The following NAV1 variants were observed in gnomAD, a reference collection of about 807,000 sequenced individuals.
NAV1 encodes the protein neuron navigator 1, also known as pore membrane and/or filament interacting like protein 3.
A neutral mutation model predicts 175.2 loss-of-function variants in NAV1; 18 were observed. That is an observed-to-expected ratio of 0.10 (90% CI 0.07 to 0.15). NAV1 has a LOEUF of 0.15. NAV1 is among the 10% of genes least tolerant of loss of function. The probability of loss-of-function intolerance (pLI) is 1.00; values close to 1 mark genes in which losing one functional copy is unlikely to be tolerated. For synonymous variants in NAV1, 897 were observed against 978.7 expected, an observed-to-expected ratio of 0.92 and a Z score of 1.56; for missense variants, 1,731 against 2,436.6, an observed-to-expected ratio of 0.71 and a Z score of 6.10.
chr1:201,639,456 A>G (rs1273730766), intron 2 of NAV1, among the ~76,000 whole-genome samples: 1 of 152,190 alleles, frequency 6.6e-6, no homozygotes, highest in Non-Finnish European at 1.5e-5. Flanking sequence ...CTTGTTGTGC[A>G]CTGCCAGGGC....
At chr1:201,586,665 G>A (rs1026283322) in intron 1 of NAV1, among the ~76,000 whole-genome samples, 1 of 152,088 alleles carries the variant, frequency 6.6e-6, no homozygotes, top group Non-Finnish European at 1.5e-5. Flanking sequence ...AAGACAGAGA[G>A]CAGGGAGAGA....
intron 1 of NAV1, among the ~76,000 whole-genome samples, chr1:201,578,450 AATG>A (rs1666755291): frequency 6.6e-6 from 1 of 152,154 alleles, no homozygotes; most frequent in African/African-American, 2.4e-5. Flanking sequence ...ATCTCTGGGT[AATG>A]ATGAAAGTTC....
chr1:201,649,309 C>T (rs1306076333), exon 1 of NAV1: 1 of 1,612,730 alleles, frequency 6.2e-7, no homozygotes, highest in Non-Finnish European at 8.5e-7. Context: ...CAAAAGAGCT[C>T]TGGGCCTGTC....
intron 1 of NAV1, among the ~76,000 whole-genome samples, chr1:201,582,095 C>CA (rs1316100885): frequency 6.6e-6 from 1 of 152,106 alleles, no homozygotes; most frequent in African/African-American, 2.4e-5. Flanking sequence ...GACTCCGTCT[C>CA]AAACAAACAA....
At chr1:201,706,364 A>G (rs1293337886) in intron 1 of NAV1, among the ~76,000 whole-genome samples, 1 of 151,848 alleles carries the variant, frequency 6.6e-6, no homozygotes, top group Non-Finnish European at 1.5e-5. Flanking sequence ...CCAGTCCCAA[A>G]CCATCCCACA....
chr1:201,649,352 C>T lies in NAV1; in HGVS notation c.684C>T (p.Phe228=), dbSNP rs144904608. Residue 228 remains phenylalanine (F), a synonymous_variant, in exon 1 of 30, where the codon TTC becomes TTT. Coordinates refer to ENST00000367296, the Ensembl canonical transcript of NAV1. ...CCAAGGGCCAGGAGGAGCGCGCCTT[C>T]CTCAAGGTGGACCCCGAGCTGGTGG... is the stretch of plus-strand genomic sequence containing the variant. 3.1e-4 allele frequency: 492 copies of T among 1,609,670 alleles called. 4 individuals carry two copies. In the African/African-American group the frequency reaches 5.5e-3, roughly 18 times the overall value.
rs1288875770 is a variant in NAV1 at position 201,783,426 on chromosome 1, T to C, written c.2378T>C (p.Val793Ala). Residue 793 changes from valine to alanine, a missense_variant, in exon 7 of 30, where the codon GTC becomes GCC. By Grantham distance (64) the Val-to-Ala change is moderately conservative. Coordinates refer to ENST00000367296, the Ensembl canonical transcript of NAV1. The stretch of plus-strand genomic sequence containing the variant: ...CTCAGGGCCACAGCGAAGAGCTTTG[T>C]CAAACCACCCTCACTAGCCAATCTT... 2.5e-6 allele frequency: 4 copies of C among 1,614,038 alleles called. No homozygotes were observed. The South Asian group carries it at 3.3e-5, about 13-fold the overall frequency.
intron 3 of NAV1, among the ~76,000 whole-genome samples, chr1:201,738,933 A>C (rs1300617024): frequency 6.6e-6 from 1 of 152,176 alleles, no homozygotes; most frequent in Admixed American, 6.5e-5. Flanking sequence ...CCAACCATAG[A>C]CACTTAGCCC....
upstream of NAV1, among the ~76,000 whole-genome samples, chr1:201,647,181 TTGGGAGGCCA>T (rs1669003898): frequency 6.6e-6 from 1 of 152,176 alleles, no homozygotes; most frequent in Non-Finnish European, 1.5e-5. Context: ...TGGCTGTGAC[TTGGGAGGCCA>T]TTTGAGGATG....
At chr1:201,766,451 G>A (rs560757234) in intron 3 of NAV1, among the ~76,000 whole-genome samples, 1 of 152,132 alleles carries the variant, frequency 6.6e-6, no homozygotes, top group South Asian at 2.1e-4. Flanking sequence ...ACAGAATGTT[G>A]GTTTCTCTAG....
At chr1:201,634,905 T>C (rs1668572885) in intron 2 of NAV1, among the ~76,000 whole-genome samples, 1 of 152,228 alleles carries the variant, frequency 6.6e-6, no homozygotes, top group East Asian at 1.9e-4. Flanking sequence ...ATCCTGATTG[T>C]GGTCCCAGAA....
intron 3 of NAV1, among the ~76,000 whole-genome samples, chr1:201,753,603 C>T (rs867327625): frequency 2.0e-5 from 3 of 152,214 alleles, no homozygotes; most frequent in Non-Finnish European, 4.4e-5. Flanking sequence ...CGTGTGTTTT[C>T]ATTGGCTAGG....
chr1:201,784,046 C>A (rs1010542359), intron 7 of NAV1, among the ~76,000 whole-genome samples, 194 bp downstream of exon 11: 2 of 152,122 alleles, frequency 1.3e-5, no homozygotes, highest in African/African-American at 2.4e-5. Flanking sequence ...AATTATTATT[C>A]TTATATTAAA....
rs371739346 is a variant in NAV1, at chr1:201,790,315, G to T, written c.3220-239G>T. ...CAAAGTCTCATTTCCTAGCCTTTTT[G>T]GCAATGACAAAGTTTGCTGGAGATG... On this transcript the variant is annotated intron_variant, in intron 11 of 29. Transcript: ENST00000367296. Among the ~76,000 whole-genome samples the T allele has an allele frequency of 4.6e-5, 7 of 152,238 alleles. No homozygotes were observed. In the East Asian group the frequency reaches 1.2e-3, roughly 25 times the overall value.
At chr1:201,739,727 T>A in intron 3 of NAV1, 1 of 1,131,782 alleles carries the variant, frequency 8.8e-7, no homozygotes, top group Non-Finnish European at 1.1e-6. Context: ...CTTCGGTGGC[T>A]CTTTGTCTAC....
Position 201,750,221 on chromosome 1 carries a change from T to C in NAV1, c.1227-30200T>C, listed in dbSNP as rs1171386105. ...CAAAGACCTACCGCTGCAAGGATTT[T>C]ACATGTAATGAGTGCCTAAGGAAGG... On this transcript the variant is annotated intron_variant, in intron 3 of 29. Transcript: ENST00000367296. This position sits in a 1 kb window ranked among gnomAD's most constrained non-coding sequence, Gnocchi z 4.1. 6.6e-6 allele frequency among the ~76,000 whole-genome samples: 1 copy of C among 152,214 alleles called. No homozygotes were observed.
At chr1:201,761,059 C>T (rs1045316576) in intron 3 of NAV1, among the ~76,000 whole-genome samples, 14 of 152,146 alleles carry the variant, frequency 9.2e-5, no homozygotes, top group African/African-American at 3.1e-4. Context: ...AGCAGAAAAG[C>T]TTGCTTTTGC....
chr1:201,813,491 G>C lies in NAV1; in HGVS notation c.5340+233G>C, dbSNP rs2102822564. Among the ~76,000 whole-genome samples, 2 of 152,202 alleles carry C rather than the reference G, an allele frequency of 1.3e-5. 1 individual carries two copies. Among genetic ancestry groups the C allele is most frequent in the South Asian group, 4.1e-4 (2 of 4,828 alleles). ...CATCTCTCCAGTCCTAGGCCTTCTG[G>C]CTCTAAGCCCAATTTAAACCACTCT... is the stretch of plus-strand genomic sequence containing the variant. On this transcript the variant is annotated intron_variant, in intron 28 of 29. Coordinates refer to ENST00000367296, the Ensembl canonical transcript of NAV1. This position sits in a 1 kb window ranked among gnomAD's most constrained non-coding sequence, Gnocchi z 4.2.
chr1:201,695,547 C>T (rs764741517), intron 1 of NAV1, among the ~76,000 whole-genome samples: 3 of 152,258 alleles, frequency 2.0e-5, no homozygotes, highest in Admixed American at 6.5e-5. Context: ...AGCTTTGTAG[C>T]TTGGCAGACC....
Sources: gnomAD v4.1 joint callset for allele counts (sites outside exome capture counted in the v4.1 genomes callset) on GRCh38, gnomAD v4.1.1 for gene constraint, Gnocchi (gnomAD v3.1) non-coding constraint, MANE v1.5 for transcripts, NCBI Gene and HGNC (gene_info 2026-07-23, HGNC 2026-07-21) for gene names.